The following CFAP300 variants were observed in gnomAD, a reference collection of about 807,000 sequenced individuals.
CFAP300 encodes the protein cilia and flagella associated protein 300, also known as cilia- and flagella-associated protein 300.
A neutral mutation model predicts 33.0 loss-of-function variants in CFAP300; 32 were observed. The observed-to-expected ratio is 0.97, with a 90% CI of 0.73 to 1.30. The LOEUF (loss-of-function observed/expected upper bound fraction) is 1.30, where lower values mean the gene tolerates loss of function less well. Ranked by LOEUF, CFAP300 falls within the 50% of genes most tolerant of loss-of-function variation. CFAP300 has a pLI of 0.00. For missense variants in CFAP300, 356 were observed against 318.1 expected, an observed-to-expected ratio of 1.12 and a Z score of -0.90; for synonymous variants, 102 against 106.8, an observed-to-expected ratio of 0.95 and a Z score of 0.28.
intron 4 of CFAP300, among the ~76,000 whole-genome samples, chr11:102,068,374 C>G (rs1942259409): frequency 6.6e-6 from 1 of 152,186 alleles, no homozygotes; most frequent in African/African-American, 2.4e-5. Context: ...CACTCATTAA[C>G]TTAGTTAAAG....
chr11:102,072,414 T>C (rs998129443), intron 4 of CFAP300, among the ~76,000 whole-genome samples: 13 of 152,138 alleles, frequency 8.5e-5, no homozygotes, highest in Non-Finnish European at 1.8e-4. Context: ...ATCCTTTATC[T>C]GTGCTTTCTT....
At chr11:102,076,593 T>A (rs1432767514) in intron 5 of CFAP300, among the ~76,000 whole-genome samples, 1 of 152,228 alleles carries the variant, frequency 6.6e-6, no homozygotes, top group Non-Finnish European at 1.5e-5. Context: ...TTCTTTTAAC[T>A]GAAATGAATG....
At chr11:102,077,529 A>T (rs1348367728) in intron 5 of CFAP300, among the ~76,000 whole-genome samples, 1 of 152,226 alleles carries the variant, frequency 6.6e-6, no homozygotes, top group African/African-American at 2.4e-5. Flanking sequence ...CTCATCCATT[A>T]TAACAGGTCC....
chr11:102,058,248 C>T (rs559245310), intron 2 of CFAP300, among the ~76,000 whole-genome samples: 1 of 152,174 alleles, frequency 6.6e-6, no homozygotes, highest in Non-Finnish European at 1.5e-5. Flanking sequence ...CTTGAGTCAG[C>T]TGCTGGTGCC....
intron 4 of CFAP300, among the ~76,000 whole-genome samples, chr11:102,073,381 C>T (rs938446770): frequency 2.6e-5 from 4 of 152,146 alleles, no homozygotes; most frequent in African/African-American, 4.8e-5. Context: ...CCAAGAGGAG[C>T]ACCCAGATGT....
chr11:102,048,983 A>C (rs1941928641), intron 2 of CFAP300, among the ~76,000 whole-genome samples: 1 of 152,194 alleles, frequency 6.6e-6, no homozygotes, highest in Non-Finnish European at 1.5e-5. Context: ...GGATACGAGG[A>C]GGAACAAGAC....
At chr11:102,060,276 A>ATTT (rs773964052) in intron 3 of CFAP300, among the ~76,000 whole-genome samples, 1 of 130,006 alleles carries the variant, frequency 7.7e-6, no homozygotes, top group Admixed American at 7.8e-5. Flanking sequence ...CTCAGCCTAA[A>ATTT]TTTTTTTTTT....
Position 102,047,833 on chromosome 11 carries a change from C to G in CFAP300, c.129C>G (p.Ile43Met). ...GCCCCAGGTCCATGCTGGGCAGAAT[C>G]AAGGCGCAGGCGTTCGGCTTTGACC... is the stretch of plus-strand genomic sequence containing the variant. ...RLRQWSMLGRIKAQAFGFDQT... is the reference protein window; with the variant it reads ...RLRQWSMLGRMKAQAFGFDQT... The change falls in exon 2 of 7, where the codon ATC becomes ATG. Residue 43 changes from isoleucine (I) to methionine (M), a missense_variant. By Grantham distance (10) the Ile-to-Met change is conservative. Coordinates refer to ENST00000434758, the MANE Select transcript of CFAP300 (RefSeq NM_032930.3). 1 of 1,614,132 alleles carries G rather than the reference C, an allele frequency of 6.2e-7. No individual in the cohort carries two copies. Among genetic ancestry groups the G allele is most frequent in the Non-Finnish European group, 8.5e-7 (1 of 1,180,018 alleles).
intron 5 of CFAP300, among the ~76,000 whole-genome samples, chr11:102,079,262 T>C (rs1318420172): frequency 6.6e-6 from 1 of 152,200 alleles, no homozygotes; most frequent in African/African-American, 2.4e-5. Flanking sequence ...ACCATAGATA[T>C]GTTATTTATA....
At chr11:102,060,561 T>C (rs1287165646) in intron 3 of CFAP300, among the ~76,000 whole-genome samples, 2 of 152,026 alleles carry the variant, frequency 1.3e-5, no homozygotes, top group African/African-American at 4.8e-5. Flanking sequence ...GAAAGCAGAG[T>C]TAATATAAGA....
At chr11:102,069,576 G>A (rs1159179877) in intron 4 of CFAP300, among the ~76,000 whole-genome samples, 1 of 152,256 alleles carries the variant, frequency 6.6e-6, no homozygotes, top group African/African-American at 2.4e-5. Context: ...GCAGAGGCGG[G>A]TGGATCACTT....
At chr11:102,077,274 A>AT (rs1942409258) in intron 5 of CFAP300, among the ~76,000 whole-genome samples, 1 of 152,146 alleles carries the variant, frequency 6.6e-6, no homozygotes, top group Non-Finnish European at 1.5e-5. Context: ...AGAAACTGCT[A>AT]TTTTTCCCAA....
At chr11:102,060,213 T>C (rs1425086571) in intron 3 of CFAP300, among the ~76,000 whole-genome samples, 1 of 151,870 alleles carries the variant, frequency 6.6e-6, no homozygotes, top group Non-Finnish European at 1.5e-5. Context: ...TGCAAGTAAA[T>C]CTGCCAACCT....
intron 1 of CFAP300, 53 bp from the exon 2 acceptor site, chr11:102,047,762 G>A (rs1210052218): frequency 2.5e-6 from 4 of 1,591,448 alleles, no homozygotes; most frequent in Non-Finnish European, 3.4e-6. Context: ...TTATCGGTGC[G>A]CTCTGAGAGG....
intron 2 of CFAP300, among the ~76,000 whole-genome samples, chr11:102,055,668 A>AC (rs1430949940): frequency 9.8e-6 from 1 of 102,046 alleles, no homozygotes; most frequent in East Asian, 2.8e-4. Context: ...CTCCTAAACT[A>AC]CCCTTTTTTT....
chr11:102,051,139 A>T (rs1445337236), intron 2 of CFAP300, among the ~76,000 whole-genome samples: 1 of 152,222 alleles, frequency 6.6e-6, no homozygotes, highest in Non-Finnish European at 1.5e-5. Context: ...TGATGTCATT[A>T]AATGTGTAGA....
chr11:102,070,573 G>A (rs1378572935), intron 4 of CFAP300, among the ~76,000 whole-genome samples: 1 of 151,822 alleles, frequency 6.6e-6, no homozygotes. Context: ...TTTGTGCTCT[G>A]GTATTTATTT....
chr11:102,083,880 G>T lies in CFAP300; in HGVS notation c.*681G>T, dbSNP rs1443191544. ...AAAGTACAAAAATTAGCTGGCTGTG[G>T]TGGTGTGTGCCTGTAGTCCCAGCTA... On this transcript the variant is annotated 3_prime_UTR_variant, in exon 7 of 7. Transcript: ENST00000434758. 6.6e-6 allele frequency: 1 copy of T among 152,474 alleles called. No individual in the cohort carries two copies. Among genetic ancestry groups the T allele is most frequent in the Non-Finnish European group, 1.5e-5 (1 of 68,242 alleles). 9.4% of individuals were successfully genotyped at this position (152,474 alleles called of 1,614,324 possible). A position where few individuals can be genotyped will look rare whatever the true frequency, so the allele number is the denominator to read the frequency against.
chr11:102,047,585 G>A lies in CFAP300; in HGVS notation c.110+5G>A. The A allele has an allele frequency of 6.5e-7, 1 of 1,535,384 alleles. No individual in the cohort carries two copies. The highest frequency in any genetic ancestry group is 8.7e-7 in the Non-Finnish European group (1 of 1,146,202). ...CACCAGCCGGCTCCGCCAGTGGTGA[G>A]GAACCGAGGCACAGGGAGAGAAGAG... On this transcript the variant is annotated splice_donor_5th_base_variant and intron_variant, in intron 1 of 6. Transcript: ENST00000434758.
Sources: gnomAD v4.1 joint callset for allele counts (sites outside exome capture counted in the v4.1 genomes callset) on GRCh38, gnomAD v4.1.1 for gene constraint, MANE v1.5 for transcripts, NCBI Gene and HGNC (gene_info 2026-07-23, HGNC 2026-07-21) for gene names.